TBC1D31: variants seen among roughly 807,000 people sequenced by gnomAD.
TBC1D31 encodes TBC1 domain family member 31.
A neutral mutation model predicts 132.9 loss-of-function variants in TBC1D31; 99 were observed. The observed-to-expected ratio is 0.74, with a 90% confidence interval of 0.63 to 0.88. The LOEUF (loss-of-function observed/expected upper bound fraction) is 0.88. Ranked by LOEUF, TBC1D31 falls within the 40% of genes least tolerant of loss-of-function variation. TBC1D31 has a pLI of 0.00. For synonymous variants in TBC1D31, 385 were observed against 419.4 expected (o/e 0.92, Z 1.00); for missense variants, 1,134 against 1,256.6 (o/e 0.90, Z 1.48).
At position 123,120,154 on chromosome 8, in the gene TBC1D31, A is replaced by T. The variant is rs147905539; in HGVS notation, c.1536A>T (p.Gln512His). ...TTGTAAAATTATTCCAGAACAACCA[A>T]CTCATCTGTTTTGAAGTTATTGCTA... is the stretch of plus-strand genomic sequence containing the variant. ...FPFVKLFQNN[Q>H]LICFEVIATL... is the part of the protein sequence containing the mutation. Residue 512 changes from glutamine to histidine, a missense_variant, in exon 11 of 22, where the codon CAA becomes CAT. Transcript: ENST00000287380. The T allele has an allele frequency of 1.3e-4, 207 of 1,609,818 alleles. No homozygotes were observed. The highest frequency in any genetic ancestry group is 2.0e-4 in the Admixed American group (12 of 59,534).
At chr8:123,156,522 T>G (rs1415384865), downstream of TBC1D31, among the ~76,000 whole-genome samples, 1 of 151,772 alleles carries the variant, frequency 6.6e-6, no homozygotes, top group Non-Finnish European at 1.5e-5. Flanking sequence ...GAAGGGCTGG[T>G]TATAGCTATT....
chr8:123,139,044 G>A (rs562787478), intron 17 of TBC1D31, among the ~76,000 whole-genome samples: 3 of 151,838 alleles, frequency 2.0e-5, no homozygotes, highest in East Asian at 3.9e-4. Flanking sequence ...CTGGGCTCAA[G>A]CAGTCCTCCC....
chr8:123,135,159 C>G (rs1044012355), intron 17 of TBC1D31, among the ~76,000 whole-genome samples: 1 of 152,170 alleles, frequency 6.6e-6, no homozygotes, highest in African/African-American at 2.4e-5. Context: ...CTCGGCCTCC[C>G]GAAGTGCTAG....
intron 20 of TBC1D31, 60 bp downstream of exon 20, chr8:123,144,915 C>A: frequency 3.8e-5 from 53 of 1,401,672 alleles, no homozygotes; most frequent in Non-Finnish European, 4.5e-5. Context: ...TTAGTAGGGT[C>A]TATTATTATG....
intron 11 of TBC1D31, among the ~76,000 whole-genome samples, chr8:123,125,604 G>A (rs934603515): frequency 2.6e-5 from 4 of 152,266 alleles, no homozygotes; most frequent in Non-Finnish European, 2.9e-5. Flanking sequence ...ATATATTGCT[G>A]ATGTAATTTT....
chr8:123,099,939 C>T (rs936460911), intron 6 of TBC1D31, among the ~76,000 whole-genome samples: 2 of 151,938 alleles, frequency 1.3e-5, no homozygotes, highest in Non-Finnish European at 1.5e-5. Flanking sequence ...AAGAGGGAGC[C>T]GAACTCATCC....
In TBC1D31 at chr8:123,142,382, G is replaced by A. The variant is rs190996798; in HGVS notation, c.2761G>A (p.Ala921Thr). The A allele has an allele frequency of 2.5e-6, 4 of 1,608,634 alleles. No homozygotes were observed. Among genetic ancestry groups the A allele is most frequent in the East Asian group, 2.3e-5 (1 of 44,438 alleles). The change falls in exon 19 of 22, where the codon GCC becomes ACC. Residue 921 changes from alanine to threonine, a missense_variant. Coordinates refer to ENST00000287380, the MANE Select transcript of TBC1D31 (RefSeq NM_145647.4). ...ACGAAACAAATGTTACCAGGAAGTA[G>A]CCAAACTCCTTAGGGAAAACAGAAG... ...LQRNKCYQEV[A>T]KLLRENRRKE... is the part of the protein sequence containing the mutation.
At chr8:123,140,967 A>G in intron 18 of TBC1D31, 66 bp downstream of exon 18, 1 of 1,441,826 alleles carries the variant, frequency 6.9e-7, no homozygotes, top group South Asian at 1.3e-5. Flanking sequence ...CTCTTAAGAG[A>G]ACAAAATCGA....
At chr8:123,141,195 G>T (rs772131152) in intron 18 of TBC1D31, among the ~76,000 whole-genome samples, 6 of 152,164 alleles carry the variant, frequency 3.9e-5, no homozygotes, top group Non-Finnish European at 8.8e-5. Flanking sequence ...CGAAGGAATA[G>T]TGACTTAAAA....
chr8:123,146,614 G>T (rs571356613), intron 20 of TBC1D31, among the ~76,000 whole-genome samples: 2 of 151,796 alleles, frequency 1.3e-5, no homozygotes, highest in African/African-American at 4.8e-5. Flanking sequence ...TCATGAATAT[G>T]CTATGTGCAT....
At position 123,109,487 on chromosome 8, in the gene TBC1D31, C is replaced by T. The variant is rs139296149; in HGVS notation, c.1303C>T (p.Arg435Cys). 3.2e-5 allele frequency: 52 copies of T among 1,612,862 alleles called. No homozygotes were observed. The highest frequency in any genetic ancestry group is 1.5e-4 in the African/African-American group (11 of 74,804). Residue 435 changes from arginine (R) to cysteine (C), a missense_variant, in exon 10 of 22, where the codon CGC (arginine) becomes TGC (cysteine). Transcript: ENST00000287380. ...YPTKYRMFIW[R>C]SLLQLPENHT... ...TTTTTATTTCAGAATGTTCATTTGG[C>T]GCTCTCTGCTACAACTGCCTGAAAA... is the stretch of plus-strand genomic sequence containing the variant.
the TBC1D31 span, among the ~76,000 whole-genome samples, chr8:123,159,268 G>GAAAAA: frequency 1.1e-5 from 1 of 93,930 alleles, no homozygotes. Flanking sequence ...ATTTGAACAG[G>GAAAAA]AAAAAAAAAA....
chr8:123,163,888 A>G, the TBC1D31 span, among the ~76,000 whole-genome samples: 1 of 152,176 alleles, frequency 6.6e-6, no homozygotes, highest in South Asian at 2.1e-4. Flanking sequence ...TTGTGAAACC[A>G]TTGCTACTTT....
chr8:123,141,030 G>A lies in TBC1D31; in HGVS notation c.2640+129G>A. The A allele has an allele frequency of 3.6e-6, 3 of 837,954 alleles. No homozygotes were observed. The South Asian group carries it at 4.8e-5, about 14-fold the overall frequency. 51.9% of individuals were successfully genotyped at this position (837,954 alleles called of 1,614,324 possible). A position where few individuals can be genotyped will look rare whatever the true frequency, so the allele number is the denominator to read the frequency against. ...TTGTTTCTTTGCTTCAGTTGTCACA[G>A]TTCCTAGAATCTCACATTGCTTCCT... On this transcript the variant is annotated intron_variant, in intron 18 of 21. Transcript: ENST00000287380.
intron 5 of TBC1D31, among the ~76,000 whole-genome samples, chr8:123,094,412 A>G (rs1816649784): frequency 6.6e-6 from 1 of 152,172 alleles, no homozygotes; most frequent in African/African-American, 2.4e-5. Context: ...CATTGTTTGA[A>G]GCAAAACCTA....
At position 123,151,793 on chromosome 8, in the gene TBC1D31, T is replaced by C; in HGVS notation, c.3068-13T>C. On this transcript the variant is annotated splice_polypyrimidine_tract_variant and intron_variant, in intron 21 of 21. Transcript: ENST00000287380. ...AAACTCAGCTTTTCTAAATTTTAAA[T>C]TTCGTTTTCAAGTTTCTTTAAATAG... The C allele has an allele frequency of 6.5e-7, 1 of 1,549,856 alleles. No homozygotes were observed. Among genetic ancestry groups the C allele is most frequent in the Non-Finnish European group, 8.6e-7 (1 of 1,160,260 alleles).
chr8:123,087,265 A>G (rs1312113960), intron 4 of TBC1D31, among the ~76,000 whole-genome samples: 2 of 152,006 alleles, frequency 1.3e-5, no homozygotes, highest in Non-Finnish European at 1.5e-5. Context: ...TTTCTATTTC[A>G]TTAGCTAAAT....
At chr8:123,109,817 C>A (rs895682164) in intron 10 of TBC1D31, among the ~76,000 whole-genome samples, 197 bp downstream of exon 10, 5 of 152,192 alleles carry the variant, frequency 3.3e-5, no homozygotes, top group African/African-American at 1.2e-4. Context: ...AAATAGGACT[C>A]TTTCAGTTAA....
chr8:123,129,141 G>T lies in TBC1D31; in HGVS notation c.2193G>T (p.Glu731Asp). ...VEDEAWYQKQ[E>D]LLRKAEETRR... ...ATGAAGCTTGGTACCAGAAACAGGA[G>T]CTGCTTCGTAAAGCTGAAGAAACAA... Residue 731 changes from glutamate (E) to aspartate (D), a missense_variant, in exon 15 of 22, where the codon GAG becomes GAT. Transcript: ENST00000287380. 1 of 1,609,074 alleles carries T rather than the reference G, an allele frequency of 6.2e-7. No homozygotes were observed. The highest frequency in any genetic ancestry group is 1.1e-5 in the South Asian group (1 of 90,516).
Sources: allele counts gnomAD v4.1 joint callset (sites outside exome capture counted in the v4.1 genomes callset), GRCh38; gene constraint gnomAD v4.1.1; transcripts MANE v1.5; gene names NCBI Gene and HGNC (gene_info 2026-07-23, HGNC 2026-07-21).